Variants in ARHGEF9 observed in about 807,000 individuals in gnomAD.
ARHGEF9 encodes Cdc42 guanine nucleotide exchange factor 9.
A neutral mutation model predicts 41.3 loss-of-function variants in ARHGEF9; 2 were observed. The ratio of observed to expected loss-of-function variants is 0.05; its 90% CI spans 0.02 to 0.15. ARHGEF9 has a LOEUF of 0.15. Among genes scored for constraint, ARHGEF9 ranks in the 10% least tolerant of loss-of-function variants. The pLI, the probability that ARHGEF9 is intolerant of heterozygous loss-of-function variation, is 1.00. For synonymous variants in ARHGEF9, 160 were observed against 154.4 expected (o/e 1.04, Z -0.27); for missense variants, 225 against 424.7 (o/e 0.53, Z 4.13).
chrX:63,767,838 G>A (rs1233390202), intron 1 of ARHGEF9, among the ~76,000 whole-genome samples: 1 of 112,092 alleles, frequency 8.9e-6, no homozygotes, highest in African/African-American at 3.2e-5. Context: ...AACTACTATG[G>A]TGTTACACAC....
At chrX:63,763,861 G>T (rs2056073881) in intron 1 of ARHGEF9, among the ~76,000 whole-genome samples, 1 of 111,430 alleles carries the variant, frequency 9.0e-6, no homozygotes, top group Non-Finnish European at 1.9e-5. Context: ...TTATTTGAGG[G>T]TGTGATTATA....
intron 4 of ARHGEF9, among the ~76,000 whole-genome samples, chrX:63,691,818 A>G (rs1158668556): frequency 9.0e-6 from 1 of 111,612 alleles, no homozygotes; most frequent in East Asian, 2.8e-4. Context: ...CTGTAAAGCT[A>G]TAGTAACCAA....
intron 8 of ARHGEF9, 154 bp from the exon 9 acceptor site, chrX:63,644,202 A>T: frequency 2.5e-6 from 1 of 399,198 alleles, no homozygotes; most frequent in South Asian, 5.4e-5. Context: ...TAACCCAGTA[A>T]TTTCTAGGAA....
chrX:63,777,432 G>A (rs1257353803), intron 1 of ARHGEF9, among the ~76,000 whole-genome samples: 1 of 110,607 alleles, frequency 9.0e-6, no homozygotes, highest in Non-Finnish European at 1.9e-5. Context: ...CCAAACCATA[G>A]CATTCCACCA....
At chrX:63,647,009 A>T (rs1347071613) in intron 8 of ARHGEF9, among the ~76,000 whole-genome samples, 2 of 111,340 alleles carry the variant, frequency 1.8e-5, no homozygotes, top group Non-Finnish European at 3.8e-5. Flanking sequence ...ATGGGAGTTC[A>T]CTCATGATTT....
At chrX:63,763,940 A>G (rs1398274569) in intron 1 of ARHGEF9, among the ~76,000 whole-genome samples, 1 of 111,800 alleles carries the variant, frequency 8.9e-6, no homozygotes, top group African/African-American at 3.3e-5. Context: ...TAGAAGACAT[A>G]ATACCTGTCA....
At chrX:63,780,784 G>C (rs1556461611) in intron 1 of ARHGEF9, among the ~76,000 whole-genome samples, 1 of 111,614 alleles carries the variant, frequency 9.0e-6, no homozygotes, top group African/African-American at 3.3e-5. Context: ...GCTCCCAGTT[G>C]CATCGTTGGC....
At chrX:63,712,420 GT>G (rs1569484876) in intron 2 of ARHGEF9, among the ~76,000 whole-genome samples, 1 of 111,718 alleles carries the variant, frequency 9.0e-6, no homozygotes, top group African/African-American at 3.3e-5. Flanking sequence ...GCATAGTTAT[GT>G]AATAGAATAC....
chrX:63,754,236 GGC>G (rs1280443230), intron 1 of ARHGEF9: 32 of 1,112,081 alleles, frequency 2.9e-5, no homozygotes, highest in Non-Finnish European at 4.0e-5. Flanking sequence ...TCAAGCAATA[GGC>G]AACTATACGC....
chrX:63,709,943 T>C (rs1327796138), intron 2 of ARHGEF9, among the ~76,000 whole-genome samples: 1 of 111,364 alleles, frequency 9.0e-6, no homozygotes, highest in Non-Finnish European at 1.9e-5. Context: ...ATATCTTTAA[T>C]GTGCATTTTT....
chrX:63,650,737 G>T (rs1418578651), intron 8 of ARHGEF9, among the ~76,000 whole-genome samples: 1 of 110,220 alleles, frequency 9.1e-6, no homozygotes, highest in South Asian at 3.8e-4. Context: ...TTGTATACAG[G>T]TATCAAAATA....
chrX:63,637,797 A>G lies in ARHGEF9; in HGVS notation c.*231T>C. The G allele has an allele frequency of 3.3e-6, 1 of 303,578 alleles. No individual in the cohort carries two copies. Among genetic ancestry groups the G allele is most frequent in the Non-Finnish European group, 5.7e-6 (1 of 175,746 alleles). 25.0% of individuals were successfully genotyped at this position (303,578 alleles called of 1,213,427 possible). ...ATTGGTACCTCTTCCTACCAACCACATATTTCACTTCCCCAAAACAACAGA... is the reference window on the plus strand; with the variant it reads ...ATTGGTACCTCTTCCTACCAACCACGTATTTCACTTCCCCAAAACAACAGA... On this transcript the variant is annotated 3_prime_UTR_variant, in exon 10 of 10. Coordinates refer to ENST00000671741, the MANE Select transcript of ARHGEF9 (RefSeq NM_001353921.2).
rs782612180 is a variant in ARHGEF9 at position 63,741,867 on chromosome X, G to A, written c.31-17156C>T. Among the ~76,000 whole-genome samples, 133 of 112,645 alleles carry A rather than the reference G, an allele frequency of 1.2e-3. 1 individual carries two copies. The highest frequency in any genetic ancestry group is 4.1e-3 in the African/African-American group (126 of 31,001). ...GTTAATGTGAAAATATGTTCCAGCT[G>A]TGTGTCCCATGTGTGTCCCAAATAC... On this transcript the variant is annotated intron_variant, in intron 1 of 9. Coordinates refer to ENST00000671741, the MANE Select transcript of ARHGEF9 (RefSeq NM_001353921.2).
chrX:63,738,110 C>T (rs142900153), intron 1 of ARHGEF9, among the ~76,000 whole-genome samples: 1,148 of 111,936 alleles, frequency 0.01, 13 homozygotes, highest in African/African-American at 0.036. Flanking sequence ...AGAATCAGTG[C>T]TCTTAACCTC....
chrX:63,715,977 G>A (rs1355035180), intron 2 of ARHGEF9: 1 of 112,037 alleles, frequency 8.9e-6, no homozygotes, highest in Non-Finnish European at 1.9e-5. Context: ...GTGATGTTAT[G>A]TTTATTTTAC....
At chrX:63,663,959 T>C (rs782659414) in intron 7 of ARHGEF9, among the ~76,000 whole-genome samples, 3 of 112,343 alleles carry the variant, frequency 2.7e-5, no homozygotes, top group African/African-American at 9.7e-5. Flanking sequence ...GTAGCCTTTA[T>C]ACTCCAGACT....
At chrX:63,733,853 G>A (rs1478122679) in intron 1 of ARHGEF9, among the ~76,000 whole-genome samples, 2 of 112,099 alleles carry the variant, frequency 1.8e-5, no homozygotes, top group South Asian at 3.7e-4. Flanking sequence ...GTCATAAGCC[G>A]ATTCACACTT....
intron 1 of ARHGEF9, among the ~76,000 whole-genome samples, chrX:63,753,638 G>A (rs1376713213): frequency 9.2e-6 from 1 of 108,829 alleles, no homozygotes; most frequent in Non-Finnish European, 1.9e-5. Context: ...TCCTGTCAAA[G>A]TCCTCTCTTG....
chrX:63,717,892 A>G (rs180986116), intron 2 of ARHGEF9, among the ~76,000 whole-genome samples: 16 of 111,903 alleles, frequency 1.4e-4, no homozygotes, highest in Non-Finnish European at 2.8e-4. Flanking sequence ...TAATCCAGAA[A>G]GATTATCTCC....
Sources: gnomAD v4.1 joint callset for allele counts (sites outside exome capture counted in the v4.1 genomes callset) on GRCh38, gnomAD v4.1.1 for gene constraint, MANE v1.5 for transcripts, NCBI Gene and HGNC (gene_info 2026-07-23, HGNC 2026-07-21) for gene names.